The following ARHGAP6 variants were observed in gnomAD, a reference collection of about 807,000 sequenced individuals.
ARHGAP6 encodes the protein Rho GTPase activating protein 6.
In ARHGAP6, 16 loss-of-function variants were observed where a neutral mutation model predicts 55.7. That is an observed-to-expected ratio of 0.29 (90% CI 0.19 to 0.44). ARHGAP6 has a LOEUF of 0.44. ARHGAP6 is among the 20% of genes least tolerant of loss of function. ARHGAP6 has a pLI of 1.00. For missense variants in ARHGAP6, 698 were observed against 808.9 expected, an observed-to-expected ratio of 0.86 and a Z score of 1.66; for synonymous variants, 382 against 360.9, an observed-to-expected ratio of 1.06 and a Z score of -0.66.
rs142082557 is a variant in ARHGAP6 at position 11,619,942 on chromosome X, T to C, written c.588+44299A>G. Among the ~76,000 whole-genome samples, 413 of 112,184 alleles carry C rather than the reference T, an allele frequency of 3.7e-3. 1 individual carries two copies. Among genetic ancestry groups the C allele is most frequent in the African/African-American group, 0.012 (366 of 30,910 alleles). Reference sequence around the variant, plus strand: ...TGCTGCCCTCCTCTCCCTCACAGTCTTCACTGTCCCTCTGTATTATAACTA... The same window carrying C: ...TGCTGCCCTCCTCTCCCTCACAGTCCTCACTGTCCCTCTGTATTATAACTA... On this transcript the variant is annotated intron_variant, in intron 1 of 12. Transcript: ENST00000337414.
chrX:11,277,603 C>T (rs1352652237), intron 1 of ARHGAP6, among the ~76,000 whole-genome samples: 1 of 110,925 alleles, frequency 9.0e-6, no homozygotes. Context: ...AGAGCTTTTT[C>T]CAAGCTGTGA....
intron 8 of ARHGAP6, among the ~76,000 whole-genome samples, chrX:11,177,715 T>C (rs2046252836): frequency 8.9e-6 from 1 of 112,038 alleles, no homozygotes. Context: ...CTCCAAGTTA[T>C]AGAAGCAGGT....
At chrX:11,482,696 C>T (rs1293427079) in intron 1 of ARHGAP6, among the ~76,000 whole-genome samples, 1 of 111,459 alleles carries the variant, frequency 9.0e-6, no homozygotes. Context: ...TGCTTAGTGG[C>T]TCTAACAGGC....
intron 1 of ARHGAP6, chrX:11,367,689 G>A: frequency 2.5e-6 from 1 of 396,300 alleles, no homozygotes; most frequent in Non-Finnish European, 3.2e-6. Flanking sequence ...CATTGATGGG[G>A]CTAAGTTTCT....
intron 1 of ARHGAP6, among the ~76,000 whole-genome samples, chrX:11,548,505 T>A (rs1309960437): frequency 8.9e-6 from 1 of 112,131 alleles, no homozygotes. Context: ...AGTGAGAACA[T>A]CCAGTATTTA....
chrX:11,159,564 G>T (rs1286630520), intron 9 of ARHGAP6, among the ~76,000 whole-genome samples: 1 of 111,312 alleles, frequency 9.0e-6, no homozygotes, highest in Non-Finnish European at 1.9e-5. Flanking sequence ...AGATGGAGTT[G>T]CTGTTGACTG....
At position 11,664,634 on chromosome X, in the gene ARHGAP6, G is replaced by A; in HGVS notation, c.195C>T (p.Leu65=). 1.7e-6 allele frequency: 2 copies of A among 1,159,737 alleles called. No homozygotes were observed. The highest frequency in any genetic ancestry group is 1.1e-6 in the Non-Finnish European group (1 of 870,025). The change falls in exon 1 of 13, where the codon CTC becomes CTT. Residue 65 remains leucine (L), a synonymous_variant. Coordinates refer to ENST00000337414, the MANE Select transcript of ARHGAP6 (RefSeq NM_013427.3). ...GSARGATAGR[L]YSPSLPAESL... Reference sequence around the variant, plus strand: ...TCTCGGCTGGGAGTGATGGGGAGTAGAGGCGGCCCGCCGTGGCTCCCCGCG... The same window carrying A: ...TCTCGGCTGGGAGTGATGGGGAGTAAAGGCGGCCCGCCGTGGCTCCCCGCG...
chrX:11,195,688 T>C (rs1347489442), intron 3 of ARHGAP6, among the ~76,000 whole-genome samples: 1 of 109,474 alleles, frequency 9.1e-6, no homozygotes, highest in Middle Eastern at 4.2e-3. Flanking sequence ...AAAGTGAGAA[T>C]TGAAAAACCA....
chrX:11,407,313 G>A (rs937246279), intron 1 of ARHGAP6, among the ~76,000 whole-genome samples: 2 of 112,045 alleles, frequency 1.8e-5, no homozygotes, highest in Admixed American at 9.4e-5. Flanking sequence ...ATCCATGTGG[G>A]AGCGTGTGTC....
intron 1 of ARHGAP6, among the ~76,000 whole-genome samples, chrX:11,501,154 T>C (rs2050674146): frequency 8.9e-6 from 1 of 111,953 alleles, no homozygotes; most frequent in African/African-American, 3.2e-5. Flanking sequence ...TATGTTCCAA[T>C]AAAACTTTAC....
At chrX:11,403,193 A>G (rs1425933442) in intron 1 of ARHGAP6, among the ~76,000 whole-genome samples, 2 of 111,738 alleles carry the variant, frequency 1.8e-5, no homozygotes, top group East Asian at 5.6e-4. Context: ...AGAAAAGTTC[A>G]GCAATCTTGG....
chrX:11,378,810 A>G (rs1278653713), intron 1 of ARHGAP6, among the ~76,000 whole-genome samples: 1 of 112,365 alleles, frequency 8.9e-6, no homozygotes, highest in Non-Finnish European at 1.9e-5. Flanking sequence ...AAACTCCTCT[A>G]TAATTTGAGT....
At chrX:11,449,425 T>A (rs2147805795) in intron 1 of ARHGAP6, among the ~76,000 whole-genome samples, 1 of 111,789 alleles carries the variant, frequency 8.9e-6, no homozygotes, top group African/African-American at 3.3e-5. Flanking sequence ...TGGTTTGTGC[T>A]CCCAGGAATG....
chrX:11,220,973 T>G (rs1367365767), intron 2 of ARHGAP6, among the ~76,000 whole-genome samples: 8 of 110,353 alleles, frequency 7.2e-5, no homozygotes, highest in Non-Finnish European at 1.3e-4. Flanking sequence ...AAAAGGCAGG[T>G]GTTGCAATCC....
At position 11,138,595 on chromosome X, in the gene ARHGAP6, T is replaced by C. The variant is rs2045575890; in HGVS notation, c.*268A>G. 3 of 403,613 alleles carry C rather than the reference T, an allele frequency of 7.4e-6. No individual in the cohort carries two copies. Among genetic ancestry groups the C allele is most frequent in the East Asian group, 4.2e-5 (1 of 23,715 alleles). The allele number at this position is 403,613 out of a possible 1,213,427, so 33.3% of individuals were successfully genotyped here. ...CAAGCAAGAGTTGTATCTTATATTA[T>C]AGAGCCAAGAGGGACGTTTTTAGAT... On this transcript the variant is annotated 3_prime_UTR_variant, in exon 13 of 13. Coordinates refer to ENST00000337414, the MANE Select transcript of ARHGAP6 (RefSeq NM_013427.3).
intron 1 of ARHGAP6, among the ~76,000 whole-genome samples, chrX:11,297,081 C>T (rs767901808): frequency 2.6e-4 from 29 of 111,900 alleles, no homozygotes; most frequent in African/African-American, 9.4e-4. Flanking sequence ...TCATGAACCA[C>T]TACTCAGGGA....
At chrX:11,402,691 G>C (rs2049564199) in intron 1 of ARHGAP6, among the ~76,000 whole-genome samples, 1 of 111,935 alleles carries the variant, frequency 8.9e-6, no homozygotes, top group Non-Finnish European at 1.9e-5. Flanking sequence ...ACATAGGAGT[G>C]ATGTTTGAAA....
intron 1 of ARHGAP6, among the ~76,000 whole-genome samples, chrX:11,362,933 T>C (rs1045839890): frequency 1.8e-5 from 2 of 111,977 alleles, no homozygotes; most frequent in Admixed American, 1.9e-4. Flanking sequence ...GAATGTTTTT[T>C]CTATCTTTTC....
At chrX:11,450,119 GAAGT>G (rs1016230613) in intron 1 of ARHGAP6, among the ~76,000 whole-genome samples, 1 of 110,971 alleles carries the variant, frequency 9.0e-6, no homozygotes, top group Non-Finnish European at 1.9e-5. Context: ...AGAAAAATAA[GAAGT>G]AAGCTGACAG....
Sources: gnomAD v4.1 joint callset for allele counts (sites outside exome capture counted in the v4.1 genomes callset) on GRCh38, gnomAD v4.1.1 for gene constraint, MANE v1.5 for transcripts, NCBI Gene and HGNC (gene_info 2026-07-23, HGNC 2026-07-21) for gene names.